The following YWHAB variants were observed in gnomAD, a reference collection of about 807,000 sequenced individuals.
The protein encoded by YWHAB is tyrosine 3-monooxygenase/tryptophan 5-monooxygenase activation protein beta.
In YWHAB, 2 loss-of-function variants were observed where a neutral mutation model predicts 28.5. The ratio of observed to expected loss-of-function variants is 0.07; its 90% CI spans 0.03 to 0.22. The LOEUF (loss-of-function observed/expected upper bound fraction) is 0.22, where lower values mean the gene tolerates loss of function less well. Among genes scored for constraint, YWHAB ranks in the 10% least tolerant of loss-of-function variants. The pLI is 1.00. For synonymous variants in YWHAB, 103 were observed against 104.7 expected (o/e 0.98, Z 0.10); for missense variants, 148 against 297.1 (o/e 0.50, Z 3.69).
chr20:44,890,861 C>G (rs1033590919), intron 1 of YWHAB, among the ~76,000 whole-genome samples: 3 of 152,092 alleles, frequency 2.0e-5, no homozygotes, highest in African/African-American at 7.2e-5. Flanking sequence ...GAGACACTTG[C>G]ATTGCAGTAA....
At chr20:44,903,207 C>G (rs535198576) in intron 2 of YWHAB, 1 of 515,640 alleles carries the variant, frequency 1.9e-6, no homozygotes, top group African/African-American at 2.1e-5. Flanking sequence ...ACGTGTTAAG[C>G]GCTTTATGTA....
rs775632748 is a variant in YWHAB, at chr20:44,906,504, T to TAAAAA, written c.*85_*89dup. 2.0e-5 allele frequency: 7 copies of TAAAAA among 358,336 alleles called. No individual in the cohort carries two copies. Among genetic ancestry groups the TAAAAA allele is most frequent in the South Asian group, 9.9e-5 (1 of 10,102 alleles). The allele number at this position is 358,336 out of a possible 1,614,324, so 22.2% of individuals were successfully genotyped here. A position where few individuals can be genotyped will look rare whatever the true frequency, so the allele number is the denominator to read the frequency against. ...CCCTCAACATATATCCCTTGTGCGA[T>TAAAAA]AAAAAAAAAAAAAAAAAAAAAAAGA... On this transcript the variant is annotated 3_prime_UTR_variant, in exon 6 of 6. Transcript: ENST00000353703.
chr20:44,896,226 T>C (rs1304933616), intron 1 of YWHAB, among the ~76,000 whole-genome samples: 2 of 152,262 alleles, frequency 1.3e-5, no homozygotes, highest in African/African-American at 4.8e-5. Context: ...TCTATCTGTT[T>C]TTACTTAACC....
At position 44,907,187 on chromosome 20, in the gene YWHAB, A is replaced by G. The variant is rs1355990637; in HGVS notation, c.*749A>G. 6 of 152,244 alleles carry G rather than the reference A, an allele frequency of 3.9e-5. No individual in the cohort carries two copies. Among genetic ancestry groups the G allele is most frequent in the Non-Finnish European group, 4.4e-5 (3 of 68,046 alleles). The allele number at this position is 152,244 out of a possible 1,614,324, so 9.4% of individuals were successfully genotyped here. On this transcript the variant is annotated 3_prime_UTR_variant, in exon 6 of 6. Coordinates refer to ENST00000353703, the MANE Select transcript of YWHAB (RefSeq NM_139323.4). ...TTACCAATTTGCAACTTGTGCTTCA[A>G]TAGTGGAATCTACTTTCATTGTTAA...
intron 3 of YWHAB, 87 bp downstream of exon 3, chr20:44,904,203 G>A (rs368738494): frequency 5.4e-5 from 82 of 1,519,042 alleles, no homozygotes; most frequent in South Asian, 4.0e-4. Flanking sequence ...TGCTTTGTTC[G>A]CCATAGACAC....
intron 1 of YWHAB, among the ~76,000 whole-genome samples, chr20:44,900,040 G>C (rs1027673879): frequency 1.3e-5 from 2 of 151,372 alleles, no homozygotes; most frequent in Non-Finnish European, 2.9e-5. Context: ...TAAAAGAGTT[G>C]GTAGTGTTCT....
chr20:44,888,605 C>T (rs2066542064), intron 1 of YWHAB, among the ~76,000 whole-genome samples: 2 of 152,144 alleles, frequency 1.3e-5, no homozygotes, highest in South Asian at 4.1e-4. Flanking sequence ...TTTCTTTACA[C>T]CAATCCTAAT....
In YWHAB at chr20:44,904,101, G is replaced by A; in HGVS notation, c.409G>A (p.Gly137Arg). 1 of 1,612,072 alleles carries A rather than the reference G, an allele frequency of 6.2e-7. No homozygotes were observed. The highest frequency in any genetic ancestry group is 8.5e-7 in the Non-Finnish European group (1 of 1,179,334). ...TAGGTATCTTTCTGAAGTGGCATCTGGAGACAACAAACAAAGTAAGTAATA... is the reference window on the plus strand; with the variant it reads ...TAGGTATCTTTCTGAAGTGGCATCTAGAGACAACAAACAAAGTAAGTAATA... ...YFRYLSEVAS[G>R]DNKQTTVSNS... Residue 137 changes from glycine to arginine, a missense_variant, in exon 3 of 6, where the codon GGA becomes AGA. By Grantham distance (125) the Gly-to-Arg change is moderately radical (BLOSUM62 -2). Coordinates refer to ENST00000353703, the MANE Select transcript of YWHAB (RefSeq NM_139323.4).
intron 1 of YWHAB, among the ~76,000 whole-genome samples, chr20:44,901,173 T>G (rs969487379): frequency 7.9e-5 from 12 of 152,178 alleles, no homozygotes; most frequent in Non-Finnish European, 1.8e-4. Flanking sequence ...TAGAGCCAGA[T>G]AGATGTGAGC....
At position 44,895,906 on chromosome 20, in the gene YWHAB, T is replaced by C. The variant is rs151323006; in HGVS notation, c.-3-5625T>C. 1.4e-4 allele frequency among the ~76,000 whole-genome samples: 21 copies of C among 152,356 alleles called. No homozygotes were observed. The East Asian group carries it at 3.9e-3, about 28-fold the overall frequency. ...AGAAAAGGGAGAACTCTACCAACTC[T>C]GCAGTTTTATGCTTACATTTCAGGA... is the stretch of plus-strand genomic sequence containing the variant. On this transcript the variant is annotated intron_variant, in intron 1 of 5. Transcript: ENST00000353703.
intron 1 of YWHAB, chr20:44,886,561 G>A (rs2061579680): frequency 1.3e-5 from 2 of 152,160 alleles, no homozygotes; most frequent in Admixed American, 1.3e-4. Flanking sequence ...AAATATCAGG[G>A]GGTGAGAATC....
At chr20:44,891,072 A>G (rs1054572821) in intron 1 of YWHAB, among the ~76,000 whole-genome samples, 1 of 151,774 alleles carries the variant, frequency 6.6e-6, no homozygotes, top group Non-Finnish European at 1.5e-5. Flanking sequence ...ACTGTTTTAT[A>G]TCATAAACAG....
chr20:44,891,127 T>G (rs1024896712), intron 1 of YWHAB, among the ~76,000 whole-genome samples: 2 of 152,232 alleles, frequency 1.3e-5, no homozygotes, highest in African/African-American at 2.4e-5. Flanking sequence ...TGCCTATGTT[T>G]TTTTTTTTCT....
chr20:44,895,785 T>C (rs2066592448), intron 1 of YWHAB, among the ~76,000 whole-genome samples: 1 of 152,230 alleles, frequency 6.6e-6, no homozygotes, highest in South Asian at 2.1e-4. Context: ...GAATTACTCT[T>C]TGAATTTCAG....
chr20:44,902,237 T>TCCCC (rs1284758920), intron 2 of YWHAB: 3 of 160,092 alleles, frequency 1.9e-5, no homozygotes, highest in African/African-American at 7.2e-5. Context: ...TTTCAGCCTC[T>TCCCC]CCCCAGTCAT....
chr20:44,904,905 T>C, intron 3 of YWHAB, 63 bp from the exon 4 acceptor site: 1 of 1,465,766 alleles, frequency 6.8e-7, no homozygotes, highest in Non-Finnish European at 9.1e-7. Context: ...ATTTGATAGT[T>C]GGTCCAATGT....
At chr20:44,900,799 G>A (rs547835666) in intron 1 of YWHAB, among the ~76,000 whole-genome samples, 162 of 151,966 alleles carry the variant, frequency 1.1e-3, no homozygotes, top group Admixed American at 4.7e-3. Context: ...TTTTTGAGAT[G>A]GAGTCTCACT....
intron 1 of YWHAB, among the ~76,000 whole-genome samples, chr20:44,891,203 C>T (rs1025843941): frequency 1.3e-5 from 2 of 151,626 alleles, no homozygotes; most frequent in African/African-American, 4.8e-5. Context: ...ACTGCAGCCT[C>T]TGCCTTCAGG....
rs751428560 is a variant in YWHAB at position 44,903,995 on chromosome 20, G to A, written c.303G>A (p.Glu101=). The change falls in exon 3 of 6, where the codon GAG becomes GAA. Residue 101 remains glutamate (E), a splice_region_variant and synonymous_variant. Transcript: ENST00000353703. ...TCTTAACAATGTTCATTTTTTAGGA[G>A]CTGTTGGACAAATATCTTATTCCCA... ...ELQDICNDVL[E]LLDKYLIPNA... The A allele has an allele frequency of 4.4e-6, 7 of 1,589,840 alleles. No homozygotes were observed. Among genetic ancestry groups the A allele is most frequent in the African/African-American group, 2.7e-5 (2 of 72,962 alleles).
Sources: gnomAD v4.1 joint callset for allele counts (sites outside exome capture counted in the v4.1 genomes callset) on GRCh38, gnomAD v4.1.1 for gene constraint, MANE v1.5 for transcripts, NCBI Gene and HGNC (gene_info 2026-07-23, HGNC 2026-07-21) for gene names.